Variants in PTPRT observed in about 807,000 individuals in gnomAD.
PTPRT encodes the protein protein tyrosine phosphatase receptor type T.
In PTPRT, 56 loss-of-function variants were observed where a neutral mutation model predicts 176.8. That is an observed-to-expected ratio of 0.32 (90% CI 0.26 to 0.40). PTPRT has a LOEUF of 0.40. Ranked by LOEUF, PTPRT falls within the 10% of genes least tolerant of loss-of-function variation. The pLI is 1.00. For synonymous variants in PTPRT, 783 were observed against 739.0 expected, an observed-to-expected ratio of 1.06 and a Z score of -0.96; for missense variants, 1,540 against 1,908.2, an observed-to-expected ratio of 0.81 and a Z score of 3.60.
chr20:42,907,831 G>A (rs1007753065), intron 1 of PTPRT, among the ~76,000 whole-genome samples: 1 of 143,582 alleles, frequency 7.0e-6, no homozygotes, highest in Non-Finnish European at 1.5e-5. Context: ...ACAAGTGGGG[G>A]CAGAGTGAAA....
intron 8 of PTPRT, among the ~76,000 whole-genome samples, chr20:42,452,665 T>G (rs1197226980): frequency 6.6e-6 from 1 of 152,218 alleles, no homozygotes; most frequent in Non-Finnish European, 1.5e-5. Context: ...AAGAAGTGTC[T>G]GTCTGATGAA....
At chr20:42,973,196 C>T (rs929020212) in intron 1 of PTPRT, among the ~76,000 whole-genome samples, 2 of 151,850 alleles carry the variant, frequency 1.3e-5, no homozygotes, top group Non-Finnish European at 2.9e-5. Context: ...AATGAGGAAT[C>T]GTGGATACCA....
At chr20:43,150,110 G>A (rs1032371719) in intron 1 of PTPRT, among the ~76,000 whole-genome samples, 3 of 152,152 alleles carry the variant, frequency 2.0e-5, no homozygotes, top group African/African-American at 7.2e-5. Context: ...ATAAAACCTT[G>A]GAAGTACACA....
intron 1 of PTPRT, among the ~76,000 whole-genome samples, chr20:43,152,428 T>G (rs2014389168): frequency 6.6e-6 from 1 of 152,216 alleles, no homozygotes; most frequent in Non-Finnish European, 1.5e-5. Flanking sequence ...TCAGGCGTCT[T>G]GTCCTGATCT....
intron 21 of PTPRT, among the ~76,000 whole-genome samples, chr20:42,118,101 T>C (rs1987388636): frequency 6.6e-6 from 1 of 152,086 alleles, no homozygotes. Flanking sequence ...AAGAGGACAG[T>C]TGTAGATACA....
intron 19 of PTPRT, among the ~76,000 whole-genome samples, chr20:42,128,177 A>AT (rs1309768019): frequency 6.6e-6 from 1 of 152,030 alleles, no homozygotes; most frequent in Non-Finnish European, 1.5e-5. Flanking sequence ...CCTCTCTTTG[A>AT]TTTTAAATCA....
chr20:42,841,598 T>A (rs2078278131), intron 2 of PTPRT, among the ~76,000 whole-genome samples: 1 of 147,372 alleles, frequency 6.8e-6, no homozygotes, highest in Non-Finnish European at 1.5e-5. Flanking sequence ...GCCAAATGAA[T>A]TTAGTGTTAA....
intron 1 of PTPRT, among the ~76,000 whole-genome samples, chr20:42,901,260 G>T (rs1228741516): frequency 6.6e-6 from 1 of 152,006 alleles, no homozygotes; most frequent in African/African-American, 2.4e-5. Flanking sequence ...TCACGACCTG[G>T]TGTTGGGTCT....
At chr20:43,046,438 C>T (rs1025770403) in intron 1 of PTPRT, among the ~76,000 whole-genome samples, 19 of 131,474 alleles carry the variant, frequency 1.4e-4, no homozygotes, top group Non-Finnish European at 2.4e-4. Context: ...TGTGGTGGAG[C>T]GCGCCTGTAG....
At chr20:43,036,114 C>T (rs1986368048) in intron 1 of PTPRT, among the ~76,000 whole-genome samples, 1 of 152,146 alleles carries the variant, frequency 6.6e-6, no homozygotes, top group Non-Finnish European at 1.5e-5. Context: ...CCTTCAGAGT[C>T]AGCAAAGAAA....
At chr20:42,955,711 C>T (rs1490030154) in intron 1 of PTPRT, among the ~76,000 whole-genome samples, 5 of 152,032 alleles carry the variant, frequency 3.3e-5, no homozygotes, top group African/African-American at 1.2e-4. Flanking sequence ...GATCCCCAGC[C>T]CACAAACCAC....
At chr20:42,127,763 C>T (rs1987931771) in intron 19 of PTPRT, among the ~76,000 whole-genome samples, 1 of 152,232 alleles carries the variant, frequency 6.6e-6, no homozygotes, top group African/African-American at 2.4e-5. Flanking sequence ...AATTCTCTCA[C>T]TTCCATGCAT....
intron 7 of PTPRT, chr20:42,607,572 T>C (rs1366237990): frequency 3.3e-5 from 5 of 152,500 alleles, no homozygotes; most frequent in Non-Finnish European, 7.3e-5. Flanking sequence ...TGTTGATTCC[T>C]TATCACTCAT....
chr20:42,373,494 C>T (rs1251024036), intron 9 of PTPRT, among the ~76,000 whole-genome samples: 3 of 152,204 alleles, frequency 2.0e-5, no homozygotes, highest in African/African-American at 7.2e-5. Flanking sequence ...TTGATTGTCA[C>T]ATCCCCAAAT....
chr20:42,781,586 C>A (rs1427048179), intron 3 of PTPRT, among the ~76,000 whole-genome samples: 1 of 152,158 alleles, frequency 6.6e-6, no homozygotes, highest in Non-Finnish European at 1.5e-5. Flanking sequence ...ATGTCAACAG[C>A]TTCTCCTATT....
At chr20:42,343,142 TA>T (rs2058137083) in intron 11 of PTPRT, among the ~76,000 whole-genome samples, 1 of 152,132 alleles carries the variant, frequency 6.6e-6, no homozygotes, top group Admixed American at 6.5e-5. Context: ...AAAGGTCCCT[TA>T]GAAGTCCCCC....
chr20:42,761,317 C>T (rs1048197663), intron 5 of PTPRT, among the ~76,000 whole-genome samples: 5 of 152,100 alleles, frequency 3.3e-5, no homozygotes, highest in East Asian at 3.9e-4. Flanking sequence ...GCCTGTAATC[C>T]CAGCTGCTCG....
chr20:42,408,845 C>T (rs2058986041), intron 9 of PTPRT, among the ~76,000 whole-genome samples: 1 of 152,214 alleles, frequency 6.6e-6, no homozygotes, highest in Non-Finnish European at 1.5e-5. Context: ...CCTAGATAAA[C>T]AGTGGCAGAT....
intron 1 of PTPRT, among the ~76,000 whole-genome samples, chr20:43,128,264 A>G (rs2013518464): frequency 6.6e-6 from 1 of 152,248 alleles, no homozygotes. Flanking sequence ...ACGGACATAA[A>G]AAAGGACAAA....
Sources: gnomAD v4.1 joint callset for allele counts (sites outside exome capture counted in the v4.1 genomes callset) on GRCh38, gnomAD v4.1.1 for gene constraint, MANE v1.5 for transcripts, NCBI Gene and HGNC (gene_info 2026-07-23, HGNC 2026-07-21) for gene names.